The following PCDHA10 variants were observed in gnomAD, a reference collection of about 807,000 sequenced individuals.
PCDHA10 encodes protocadherin alpha-10.
Under a neutral mutation model 61.2 loss-of-function variants are expected in PCDHA10, and 45 were observed. The ratio of observed to expected loss-of-function variants is 0.74; its 90% CI spans 0.58 to 0.94. The LOEUF (loss-of-function observed/expected upper bound fraction) is 0.94, where lower values mean the gene tolerates loss of function less well. Ranked by LOEUF, PCDHA10 falls within the 40% of genes least tolerant of loss-of-function variation. The pLI is 0.00. For missense variants in PCDHA10, 1,278 were observed against 1,236.2 expected (o/e 1.03, Z -0.51); for synonymous variants, 602 against 548.8 (o/e 1.10, Z -1.35).
At chr5:140,994,864 G>A (rs2097653681) in intron 3 of PCDHA10, among the ~76,000 whole-genome samples, 1 of 152,114 alleles carries the variant, frequency 6.6e-6, no homozygotes, top group Non-Finnish European at 1.5e-5. Context: ...TGATGGATGT[G>A]GTAGAATAAA....
intron 1 of PCDHA10, among the ~76,000 whole-genome samples, chr5:140,973,323 A>G (rs1331752602): frequency 1.3e-5 from 2 of 152,160 alleles, no homozygotes; most frequent in African/African-American, 4.8e-5. Flanking sequence ...AACAGAGTTT[A>G]CACTCGTTGT....
At chr5:140,962,719 T>G (rs928199903) in intron 1 of PCDHA10, among the ~76,000 whole-genome samples, 1 of 152,224 alleles carries the variant, frequency 6.6e-6, no homozygotes, top group Non-Finnish European at 1.5e-5. Flanking sequence ...TTGGAAAGTA[T>G]TTTCCTTCTG....
chr5:140,888,754 C>CT lies in PCDHA10; in HGVS notation c.2388+30328dup, dbSNP rs782694187. Reference sequence around the variant, plus strand: ...TGAGCTCTAGGAATTATTCTACCCACTTTTTTTTTTAATTTTGAAGGGATA... The same window carrying CT: ...TGAGCTCTAGGAATTATTCTACCCACTTTTTTTTTTTAATTTTGAAGGGATA... On this transcript the variant is annotated intron_variant, in intron 1 of 3. Transcript: ENST00000307360. 7.0e-3 allele frequency among the ~76,000 whole-genome samples: 1,040 copies of CT among 148,666 alleles called. 3 individuals are homozygous for CT. The highest frequency in any genetic ancestry group is 0.038 in the Middle Eastern group (11 of 290).
intron 1 of PCDHA10, among the ~76,000 whole-genome samples, chr5:140,936,094 T>C (rs2090766117): frequency 6.6e-6 from 1 of 152,116 alleles, no homozygotes; most frequent in South Asian, 2.1e-4. Flanking sequence ...GGTTTCACCA[T>C]GTTGGCCAGG....
chr5:140,934,511 T>A (rs999288213), intron 1 of PCDHA10, among the ~76,000 whole-genome samples: 1 of 152,210 alleles, frequency 6.6e-6, no homozygotes, highest in African/African-American at 2.4e-5. Context: ...AAAGGGTCCA[T>A]AGACCACACT....
At position 140,879,431 on chromosome 5, in the gene PCDHA10, T is replaced by G. The variant is rs78313657; in HGVS notation, c.2388+20995T>G. 2.0e-5 allele frequency among the ~76,000 whole-genome samples: 3 copies of G among 152,202 alleles called. No homozygotes were observed. In the East Asian group the frequency reaches 5.8e-4, roughly 29 times the overall value. The stretch of plus-strand genomic sequence containing the variant: ...AGCAGGTAGGGAATGGAGATGAACA[T>G]TTAAGAAAATGTTACTTTGAAGTCC... On this transcript the variant is annotated intron_variant, in intron 1 of 3. Transcript: ENST00000307360.
At chr5:140,999,806 A>G (rs1230100139) in intron 3 of PCDHA10, among the ~76,000 whole-genome samples, 1 of 152,152 alleles carries the variant, frequency 6.6e-6, no homozygotes, top group African/African-American at 2.4e-5. Context: ...TTTGGGCACA[A>G]AGCAAGAGCT....
chr5:140,871,141 C>T (rs1431247385), intron 1 of PCDHA10: 1 of 1,613,320 alleles, frequency 6.2e-7, no homozygotes, highest in Admixed American at 1.7e-5. Context: ...GGCCTCTTCC[C>T]GGACTTTGGC....
intron 1 of PCDHA10, among the ~76,000 whole-genome samples, chr5:140,940,287 C>T (rs190568424): frequency 6.6e-6 from 1 of 152,272 alleles, no homozygotes; most frequent in East Asian, 1.9e-4. Context: ...CATTGTGCTG[C>T]TTCATCAGTA....
At chr5:140,920,841 TAAA>T (rs781921146) in intron 1 of PCDHA10, among the ~76,000 whole-genome samples, 2 of 109,226 alleles carry the variant, frequency 1.8e-5, no homozygotes, top group Non-Finnish European at 3.9e-5. Context: ...AGACCAAATC[TAAA>T]AAAAAAAAAA....
chr5:140,865,500 G>A (rs1485481097), intron 1 of PCDHA10: 1 of 152,176 alleles, frequency 6.6e-6, no homozygotes, highest in Non-Finnish European at 1.5e-5. Flanking sequence ...GGAAAACCCT[G>A]TCCTACTTTA....
chr5:140,982,943 A>G (rs2097017074), intron 3 of PCDHA10, among the ~76,000 whole-genome samples: 1 of 151,992 alleles, frequency 6.6e-6, no homozygotes, highest in Admixed American at 6.5e-5. Flanking sequence ...CTTTTGGTTG[A>G]AGACTATGGA....
chr5:140,883,951 C>T (rs782324778), intron 1 of PCDHA10: 7 of 1,613,222 alleles, frequency 4.3e-6, no homozygotes, highest in African/African-American at 2.7e-5. Flanking sequence ...AGAACGACAA[C>T]GCTCCGGCGC....
At chr5:140,871,852 T>A (rs767921370) in intron 1 of PCDHA10, among the ~76,000 whole-genome samples, 12 of 152,354 alleles carry the variant, frequency 7.9e-5, no homozygotes, top group African/African-American at 2.4e-4. Flanking sequence ...ATTATGACCA[T>A]AATAACTATG....
chr5:140,892,573 A>G (rs1299586046), intron 1 of PCDHA10, among the ~76,000 whole-genome samples: 1 of 152,210 alleles, frequency 6.6e-6, no homozygotes, highest in Non-Finnish European at 1.5e-5. Context: ...TGTCAAAAGT[A>G]TATCTCAGTA....
At chr5:140,976,286 C>G (rs1554237455) in intron 1 of PCDHA10, among the ~76,000 whole-genome samples, 2 of 152,098 alleles carry the variant, frequency 1.3e-5, no homozygotes, top group African/African-American at 2.4e-5. Flanking sequence ...CACAGTGGCT[C>G]AAGCCTGTAA....
At chr5:140,924,839 G>A (rs1049952478) in intron 1 of PCDHA10, among the ~76,000 whole-genome samples, 3 of 150,922 alleles carry the variant, frequency 2.0e-5, no homozygotes, top group Non-Finnish European at 4.4e-5. Context: ...AGGTTGCAGG[G>A]AGCTCAGATC....
intron 1 of PCDHA10, chr5:140,859,217 C>A (rs1409192343): frequency 1.3e-5 from 2 of 149,754 alleles, no homozygotes; most frequent in Non-Finnish European, 3.0e-5. Context: ...AGCTCTTTCA[C>A]TTTAAGGAAG....
At chr5:140,882,854 C>T in intron 1 of PCDHA10, 1 of 1,614,196 alleles carries the variant, frequency 6.2e-7, no homozygotes, top group African/African-American at 1.3e-5. Context: ...ATCACTTGTA[C>T]TGAGGAAAAC....
Sources: gnomAD v4.1 joint callset for allele counts (sites outside exome capture counted in the v4.1 genomes callset) on GRCh38, gnomAD v4.1.1 for gene constraint, MANE v1.5 for transcripts, NCBI Gene and HGNC (gene_info 2026-07-23, HGNC 2026-07-21) for gene names.